The following KMT2C variants were observed in gnomAD, a reference collection of about 807,000 sequenced individuals.
The protein encoded by KMT2C is histone-lysine N-methyltransferase 2C.
Under a neutral mutation model 507.9 loss-of-function variants are expected in KMT2C, and 88 were observed. That is an observed-to-expected ratio of 0.17 (90% CI 0.15 to 0.21). The LOEUF is 0.21. Ranked by LOEUF, KMT2C falls within the 10% of genes least tolerant of loss-of-function variation. The pLI is 1.00. For synonymous variants in KMT2C, 2,049 were observed against 2,080.8 expected, an observed-to-expected ratio of 0.98 and a Z score of 0.42; for missense variants, 4,954 against 5,957.8, an observed-to-expected ratio of 0.83 and a Z score of 5.55.
chr7:152,167,530 G>C lies in KMT2C; in HGVS notation c.9518-152C>G, dbSNP rs187545140. ...ACTAAATATTAGACGATTATGTAAT[G>C]ATAAAATATCAGATTTTAGAAAAAT... On this transcript the variant is annotated intron_variant, in intron 41 of 58. Transcript: ENST00000262189. 1.4e-5 allele frequency: 8 copies of C among 585,282 alleles called. No individual in the cohort carries two copies. The Admixed American group carries it at 1.6e-4, about 12-fold the overall frequency. 36.3% of individuals were successfully genotyped at this position (585,282 alleles called of 1,614,324 possible).
rs565776800 is a variant in KMT2C, at chr7:152,160,258, T to C, written c.11461-1186A>G. Among the ~76,000 whole-genome samples, 36 of 152,324 alleles carry C rather than the reference T, an allele frequency of 2.4e-4. 1 individual carries two copies. In the South Asian group the frequency reaches 7.2e-3, roughly 31 times the overall value. On this transcript the variant is annotated intron_variant, in intron 43 of 58. Transcript: ENST00000262189. ...AGACTGCTCATCTCCAGGCTAGTTC[T>C]GTGGCTCTCAAGGGGTCTCCAGGGC...
intron 1 of KMT2C, chr7:152,368,090 T>C (rs1436909564): frequency 1.1e-6 from 1 of 910,814 alleles, no homozygotes; most frequent in Admixed American, 1.7e-5. Flanking sequence ...TACCTCTTGC[T>C]GTGGTAAGCT....
intron 6 of KMT2C, among the ~76,000 whole-genome samples, chr7:152,292,939 C>G (rs1036427161): frequency 3.3e-5 from 5 of 152,074 alleles, no homozygotes; most frequent in African/African-American, 1.2e-4. Flanking sequence ...GTTTTCTGAT[C>G]CCTTAAATAT....
At chr7:152,326,155 C>T (rs2096826721) in intron 3 of KMT2C, among the ~76,000 whole-genome samples, 1 of 152,128 alleles carries the variant, frequency 6.6e-6, no homozygotes. Flanking sequence ...AATCCTTCCT[C>T]TTCTTCATGG....
intron 43 of KMT2C, among the ~76,000 whole-genome samples, chr7:152,160,187 A>T (rs571875175): frequency 6.6e-6 from 1 of 152,304 alleles, no homozygotes. Flanking sequence ...CCATTTAAAA[A>T]TGTAAAAGCC....
intron 6 of KMT2C, among the ~76,000 whole-genome samples, chr7:152,280,655 C>T: frequency 6.6e-6 from 1 of 152,168 alleles, no homozygotes; most frequent in East Asian, 1.9e-4. Flanking sequence ...CCAGGTAACA[C>T]CTTGATTTGA....
intron 43 of KMT2C, among the ~76,000 whole-genome samples, chr7:152,159,431 T>A (rs892908245): frequency 1.3e-5 from 2 of 152,190 alleles, no homozygotes; most frequent in Non-Finnish European, 2.9e-5. Context: ...TAGATGGCTA[T>A]AGGAGCCTCT....
intron 2 of KMT2C, among the ~76,000 whole-genome samples, chr7:152,343,417 T>A (rs2097018360): frequency 1.9e-5 from 2 of 108,088 alleles, no homozygotes. Flanking sequence ...AAAAGAAACT[T>A]CCAAACCTGA....
At chr7:152,310,115 T>C (rs1368245470) in intron 5 of KMT2C, 40 bp from the exon 6 acceptor site, 1 of 1,292,852 alleles carries the variant, frequency 7.7e-7, no homozygotes, top group Admixed American at 2.0e-5. Context: ...TGAGCAAACA[T>C]TAAAAAAATT....
chr7:152,245,292 T>C (rs2095452264), intron 14 of KMT2C, among the ~76,000 whole-genome samples: 2 of 152,220 alleles, frequency 1.3e-5, no homozygotes, highest in East Asian at 1.9e-4. Flanking sequence ...GCTGTTTTTA[T>C]ATTTCTCAAA....
intron 1 of KMT2C, among the ~76,000 whole-genome samples, chr7:152,413,729 A>G (rs1191544425): frequency 6.6e-6 from 1 of 151,964 alleles, no homozygotes; most frequent in Non-Finnish European, 1.5e-5. Flanking sequence ...TACTAAAAAT[A>G]CAAAAATTAG....
At chr7:152,151,211 C>T (rs1037123677) in intron 50 of KMT2C, among the ~76,000 whole-genome samples, 3 of 152,188 alleles carry the variant, frequency 2.0e-5, no homozygotes, top group African/African-American at 4.8e-5. Flanking sequence ...ATGTGGTCCA[C>T]GGTTCACTCT....
chr7:152,403,633 A>G (rs2097585431), intron 1 of KMT2C, among the ~76,000 whole-genome samples: 9 of 151,798 alleles, frequency 5.9e-5, no homozygotes, highest in African/African-American at 2.2e-4. Flanking sequence ...CCTTTATCAC[A>G]GCAACACTCA....
At chr7:152,229,776 C>A in intron 18 of KMT2C, 147 bp downstream of exon 18, 2 of 356,368 alleles carry the variant, frequency 5.6e-6, no homozygotes, top group South Asian at 5.2e-5. Flanking sequence ...ATAGGAAACC[C>A]TTAAAAGCAG....
chr7:152,289,179 A>C lies in KMT2C; in HGVS notation c.850-15312T>G, dbSNP rs1000527046. Among the ~76,000 whole-genome samples the C allele has an allele frequency of 4.6e-5, 7 of 152,380 alleles. No individual in the cohort carries two copies. In the East Asian group the frequency reaches 1.2e-3, roughly 25 times the overall value. On this transcript the variant is annotated intron_variant, in intron 6 of 58. Transcript: ENST00000262189. ...TTTTCAAAATAATGTTTAACAATTG[A>C]AGCAAAAATTGTTACACGATGCAAA... is the stretch of plus-strand genomic sequence containing the variant.
At position 152,310,055 on chromosome 7, in the gene KMT2C, G is replaced by A. The variant is rs2129199280; in HGVS notation, c.760C>T (p.Arg254Cys). 1 of 1,612,698 alleles carries A rather than the reference G, an allele frequency of 6.2e-7. No individual in the cohort carries two copies. ...ACTCCTAGTGACCACTCCACACAAC[G>A]GTGATGAGCCCAACAAGTGCCTAAA... is the stretch of plus-strand genomic sequence containing the variant. ...DSTGTCWAHH[R>C]CVEWSLGVCQ... Residue 254 changes from arginine to cysteine, a missense_variant, in exon 6 of 59, where the codon CGT (arginine) becomes TGT (cysteine). Arg to Cys is a radical substitution (Grantham distance 180). Around this residue, in one of 29 missense-constraint regions of KMT2C, gnomAD observed 233 missense variants for 263.6 expected, o/e 0.88. Transcript: ENST00000262189.
chr7:152,313,196 ACAAATATATGCTC>A (rs60108903), intron 4 of KMT2C, among the ~76,000 whole-genome samples: 1,835 of 152,150 alleles, frequency 0.012, 43 homozygotes, highest in African/African-American at 0.043. Context: ...CTCTATTCCT[ACAAATATATGCTC>A]CATTACAAAT....
At position 152,385,832 on chromosome 7, in the gene KMT2C, A is replaced by G. The variant is rs991450464; in HGVS notation, c.162-27157T>C. Among the ~76,000 whole-genome samples, 190 of 152,008 alleles carry G rather than the reference A, an allele frequency of 1.2e-3. 1 individual carries two copies. The highest frequency in any genetic ancestry group is 4.4e-3 in the African/African-American group (181 of 41,482). ...GCCAGGTGCAGTGGCTCATGCCTGT[A>G]ATCCCAGCACTTTGGGAGGCTGAGG... On this transcript the variant is annotated intron_variant, in intron 1 of 58. Coordinates refer to ENST00000262189, the MANE Select transcript of KMT2C (RefSeq NM_170606.3).
intron 3 of KMT2C, among the ~76,000 whole-genome samples, chr7:152,325,751 AC>A (rs2096822497): frequency 6.6e-6 from 1 of 151,910 alleles, no homozygotes; most frequent in Non-Finnish European, 1.5e-5. Context: ...TGGCCAATCA[AC>A]CCTTTTCTAT....
Sources: allele counts gnomAD v4.1 joint callset (sites outside exome capture counted in the v4.1 genomes callset), GRCh38; gene constraint gnomAD v4.1.1; regional missense constraint gnomAD v4.1.1; transcripts MANE v1.5; gene names NCBI Gene and HGNC (gene_info 2026-07-23, HGNC 2026-07-21).